Variants in MTRF1 observed in about 807,000 individuals in gnomAD.
The protein encoded by MTRF1 is mitochondrial translation release factor 1, also known as peptide chain release factor 1, mitochondrial.
A neutral mutation model predicts 62.9 loss-of-function variants in MTRF1; 51 were observed. The observed-to-expected ratio is 0.81, with a 90% confidence interval of 0.65 to 1.02. The LOEUF (loss-of-function observed/expected upper bound fraction) is 1.02, where lower values mean the gene tolerates loss of function less well. MTRF1 is among the 50% of genes least tolerant of loss of function. The probability of loss-of-function intolerance (pLI) is 0.00; values close to 1 mark genes in which losing one functional copy is unlikely to be tolerated. For missense variants in MTRF1, 446 were observed against 530.0 expected, an observed-to-expected ratio of 0.84 and a Z score of 1.56; for synonymous variants, 158 against 181.9, an observed-to-expected ratio of 0.87 and a Z score of 1.06.
intron 5 of MTRF1, among the ~76,000 whole-genome samples, chr13:41,242,601 G>T (rs944989632): frequency 6.6e-6 from 1 of 152,276 alleles, no homozygotes; most frequent in African/African-American, 2.4e-5. Flanking sequence ...TGGGTCTCCT[G>T]TGTTCCTGCA....
At chr13:41,278,924 T>A in the MTRF1 span, among the ~76,000 whole-genome samples, 1 of 152,194 alleles carries the variant, frequency 6.6e-6, no homozygotes, top group Non-Finnish European at 1.5e-5. Context: ...CATGCCTTGT[T>A]ATACCCTCCT....
intron 2 of MTRF1, among the ~76,000 whole-genome samples, chr13:41,259,722 CAT>C (rs2040211747): frequency 3.9e-5 from 2 of 50,870 alleles, no homozygotes; most frequent in African/African-American, 1.4e-4. Flanking sequence ...AAAAAAAAAA[CAT>C]AAAAATAAAA....
upstream of MTRF1, among the ~76,000 whole-genome samples, chr13:41,265,698 A>G (rs2040826929): frequency 6.6e-6 from 1 of 152,080 alleles, no homozygotes; most frequent in Non-Finnish European, 1.5e-5. Context: ...ACGTGAGTAC[A>G]CTGTGAGATG....
At chr13:41,299,890 T>A in the MTRF1 span, among the ~76,000 whole-genome samples, 1 of 152,134 alleles carries the variant, frequency 6.6e-6, no homozygotes, top group Non-Finnish European at 1.5e-5. Context: ...CACTAAAGAA[T>A]AACAAATGAA....
chr13:41,237,272 T>C (rs1006038338), intron 6 of MTRF1, among the ~76,000 whole-genome samples: 22 of 135,942 alleles, frequency 1.6e-4, no homozygotes, highest in South Asian at 1.4e-3. Flanking sequence ...TAAGTGGGAA[T>C]GGGGTAGAAG....
intron 1 of MTRF1, chr13:41,261,990 TA>T (rs66812727): frequency 5.8e-4 from 85 of 146,890 alleles, no homozygotes; most frequent in Middle Eastern, 7.0e-3. Context: ...GGTATACATG[TA>T]AAAAAAAAAA....
chr13:41,266,340 G>T (rs1286312265), upstream of MTRF1, among the ~76,000 whole-genome samples: 1 of 152,122 alleles, frequency 6.6e-6, no homozygotes, highest in African/African-American at 2.4e-5. Flanking sequence ...GGCTGGGCGT[G>T]GTGGCTCACG....
rs1266708653 is a variant in MTRF1 at position 41,226,436 on chromosome 13, A to G, written c.1121T>C (p.Leu374Pro). 1.9e-6 allele frequency: 3 copies of G among 1,607,164 alleles called. No individual in the cohort carries two copies. The highest frequency in any genetic ancestry group is 2.5e-6 in the Non-Finnish European group (3 of 1,178,620). ...DKRQQQSARK[L>P]QVGTRAQSER... The stretch of plus-strand genomic sequence containing the variant: ...ATTATACCAAGTAAATCTTACCTGC[A>G]GTTTTCTAGCACTTTGTTGCTGACG... The change falls in exon 8 of 10, where the codon CTG (leucine) becomes CCG (proline). Residue 374 changes from leucine (L) to proline (P), a missense_variant. Physicochemically the swap from Leu to Pro is moderately conservative, Grantham distance 98. Coordinates refer to ENST00000379480, the MANE Select transcript of MTRF1 (RefSeq NM_004294.4).
intron 9 of MTRF1, among the ~76,000 whole-genome samples, chr13:41,220,879 G>A (rs2033188860): frequency 6.6e-6 from 1 of 152,052 alleles, no homozygotes; most frequent in South Asian, 2.1e-4. Flanking sequence ...GAAACTCACT[G>A]GCTAGGACTT....
the MTRF1 span, chr13:41,287,833 G>A: frequency 1.5e-4 from 44 of 296,226 alleles, no homozygotes; most frequent in African/African-American, 6.9e-4. Flanking sequence ...TTGAACCCTC[G>A]CTATGTGAGA....
chr13:41,236,598 T>C (rs117755108), intron 6 of MTRF1: 1 of 152,238 alleles, frequency 6.6e-6, no homozygotes, highest in Non-Finnish European at 1.5e-5. Context: ...CTCAAATGAC[T>C]GCAACACAGT....
At chr13:41,275,862 A>G in the MTRF1 span, among the ~76,000 whole-genome samples, 4 of 152,308 alleles carry the variant, frequency 2.6e-5, no homozygotes, top group South Asian at 8.3e-4. Flanking sequence ...CAAAGAGCAT[A>G]TTTATGTCAA....
chr13:41,259,618 C>T (rs1296761818), intron 2 of MTRF1, among the ~76,000 whole-genome samples: 4 of 147,926 alleles, frequency 2.7e-5, no homozygotes, highest in Non-Finnish European at 4.5e-5. Context: ...AGGAGAATGG[C>T]GTGAACCCGG....
chr13:41,262,357 A>G (rs1383657036), intron 1 of MTRF1: 2 of 149,488 alleles, frequency 1.3e-5, no homozygotes, highest in African/African-American at 4.9e-5. Flanking sequence ...AAAAAAAAAA[A>G]GAAACATACC....
At chr13:41,223,616 C>T (rs976515964) in intron 8 of MTRF1, among the ~76,000 whole-genome samples, 6 of 152,166 alleles carry the variant, frequency 3.9e-5, no homozygotes, top group Non-Finnish European at 7.3e-5. Context: ...CTTTCCACTC[C>T]AATCAGTTCC....
chr13:41,255,128 C>T (rs1257053046), intron 2 of MTRF1, among the ~76,000 whole-genome samples: 3 of 152,150 alleles, frequency 2.0e-5, no homozygotes, highest in African/African-American at 7.2e-5. Context: ...CATGGTCCAG[C>T]ACAGCTACAA....
Position 41,252,981 on chromosome 13 carries a change from A to G in MTRF1, c.557T>C (p.Ile186Thr), listed in dbSNP as rs769599061. ...AGTCCTTCCAGCTGTCACCTCTAAA[A>G]TAACATCATTTTTGTCATATTTCTC... Reference protein sequence around the residue: ...PKEKYDKNDVILEVTAGRTTG... With the variant: ...PKEKYDKNDVTLEVTAGRTTG... Residue 186 changes from isoleucine (I) to threonine (T), a missense_variant, in exon 4 of 10, where the codon ATT (isoleucine) becomes ACT (threonine). By Grantham distance (89) the Ile-to-Thr change is moderately conservative (BLOSUM62 -1). Coordinates refer to ENST00000379480, the MANE Select transcript of MTRF1 (RefSeq NM_004294.4). The G allele has an allele frequency of 3.1e-5, 50 of 1,608,146 alleles. No individual in the cohort carries two copies. The East Asian group carries it at 1.1e-3, about 36-fold the overall frequency.
Position 41,259,951 on chromosome 13 carries a change from C to T in MTRF1, c.415+542G>A, listed in dbSNP as rs1260239326. ...ATGGGGTAGGAACTGTATGTGTAGC[C>T]CTAGTATGTAGGTACAGTGTTCAAT... On this transcript the variant is annotated intron_variant, in intron 2 of 9. Transcript: ENST00000379480. Among the ~76,000 whole-genome samples, 4 of 152,116 alleles carry T rather than the reference C, an allele frequency of 2.6e-5. No homozygotes were observed. In the East Asian group the frequency reaches 5.8e-4, roughly 22 times the overall value.
chr13:41,289,250 T>TC, the MTRF1 span, among the ~76,000 whole-genome samples: 12 of 151,412 alleles, frequency 7.9e-5, no homozygotes, highest in South Asian at 2.1e-4. Flanking sequence ...TTTTTTTTTT[T>TC]CTGAGATGGA....
Sources: allele counts gnomAD v4.1 joint callset (sites outside exome capture counted in the v4.1 genomes callset), GRCh38; gene constraint gnomAD v4.1.1; transcripts MANE v1.5; gene names NCBI Gene and HGNC (gene_info 2026-07-23, HGNC 2026-07-21).